NLGN4X: variants seen among roughly 807,000 people sequenced by gnomAD.
NLGN4X encodes neuroligin-4, X-linked.
A neutral mutation model predicts 40.3 loss-of-function variants in NLGN4X; 3 were observed. That is an observed-to-expected ratio of 0.07 (90% confidence interval 0.03 to 0.19). NLGN4X has a LOEUF of 0.19. Ranked by LOEUF, NLGN4X falls within the 10% of genes least tolerant of loss-of-function variation. The probability of loss-of-function intolerance (pLI) is 1.00; values close to 1 mark genes in which losing one functional copy is unlikely to be tolerated. For missense variants in NLGN4X, 382 were observed against 708.3 expected (o/e 0.54, Z 5.23); for synonymous variants, 270 against 306.8 (o/e 0.88, Z 1.25).
rs774241791 is a variant in NLGN4X at position 6,034,197 on chromosome X, A to G, written c.473-4765T>C. Among the ~76,000 whole-genome samples, 23 of 112,213 alleles carry G rather than the reference A, an allele frequency of 2.0e-4. 1 individual carries two copies. In the East Asian group the frequency reaches 5.3e-3, roughly 26 times the overall value. On this transcript the variant is annotated intron_variant, in intron 2 of 5. Coordinates refer to ENST00000381095, the MANE Select transcript of NLGN4X (RefSeq NM_181332.3). Reference sequence around the variant, plus strand: ...CTGATCCACTTTCTGTCTTTATAAGATTTGCCTTCTCTAGGCATTTCATAT... The same window carrying G: ...CTGATCCACTTTCTGTCTTTATAAGGTTTGCCTTCTCTAGGCATTTCATAT...
chrX:6,127,991 G>T (rs1244235740), intron 2 of NLGN4X, among the ~76,000 whole-genome samples: 2 of 109,061 alleles, frequency 1.8e-5, no homozygotes, highest in Non-Finnish European at 3.8e-5. Flanking sequence ...TTTTTAGAAT[G>T]GGAGTTTTGC....
chrX:6,188,478 C>T (rs1024740654), intron 1 of NLGN4X, among the ~76,000 whole-genome samples: 1 of 111,286 alleles, frequency 9.0e-6, no homozygotes, highest in Non-Finnish European at 1.9e-5. Flanking sequence ...TTTGAAATGT[C>T]CTTCAAGAAT....
intron 3 of NLGN4X, among the ~76,000 whole-genome samples, chrX:5,963,955 C>T (rs1410905561): frequency 8.9e-6 from 1 of 112,192 alleles, no homozygotes; most frequent in South Asian, 3.7e-4. Context: ...CTTTATTGTA[C>T]ATTCATTATA....
chrX:6,118,788 C>T (rs1461440752), intron 2 of NLGN4X, among the ~76,000 whole-genome samples: 1 of 111,404 alleles, frequency 9.0e-6, no homozygotes, highest in Non-Finnish European at 1.9e-5. Context: ...AGCTAAAGCC[C>T]TCTCAACGGC....
intron 2 of NLGN4X, among the ~76,000 whole-genome samples, chrX:6,064,376 T>C (rs923263810): frequency 1.8e-5 from 2 of 111,889 alleles, no homozygotes; most frequent in Non-Finnish European, 3.8e-5. Flanking sequence ...CAAAAACATG[T>C]CAAACTCTGC....
intron 2 of NLGN4X, among the ~76,000 whole-genome samples, chrX:6,134,382 C>G (rs1192265547): frequency 8.9e-6 from 1 of 111,793 alleles, no homozygotes; most frequent in African/African-American, 3.2e-5. Context: ...TGGTCAGTTA[C>G]TGATTCTTCA....
rs189427483 is a variant in NLGN4X at position 6,120,211 on chromosome X, A to G, written c.472+30784T>C. Among the ~76,000 whole-genome samples the G allele has an allele frequency of 3.6e-3, 403 of 111,725 alleles. 7 individuals carry two copies. Among genetic ancestry groups the G allele is most frequent in the Admixed American group, 0.034 (355 of 10,506 alleles). On this transcript the variant is annotated intron_variant, in intron 2 of 5. Transcript: ENST00000381095. The stretch of plus-strand genomic sequence containing the variant: ...CACATATGTATACAAAACAGAGGCA[A>G]GAATCAAGACCTATAATGAAGAGGG...
At chrX:5,902,887 T>C (rs994115505) in intron 5 of NLGN4X, among the ~76,000 whole-genome samples, 190 bp downstream of exon 5, 1 of 112,208 alleles carries the variant, frequency 8.9e-6, no homozygotes, top group African/African-American at 3.2e-5. Context: ...TGAGTTGCCA[T>C]AGATGTTGGG....
At chrX:6,192,848 C>T (rs1254008668) in intron 1 of NLGN4X, among the ~76,000 whole-genome samples, 2 of 111,993 alleles carry the variant, frequency 1.8e-5, no homozygotes, top group East Asian at 5.7e-4. Flanking sequence ...TCTTCCCAAT[C>T]TTGCATCTAA....
At chrX:5,928,968 C>T (rs1601903114) in intron 3 of NLGN4X, among the ~76,000 whole-genome samples, 2 of 109,503 alleles carry the variant, frequency 1.8e-5, no homozygotes, top group Admixed American at 2.0e-4. Context: ...TATAGACATG[C>T]ACCACCGTGC....
intron 1 of NLGN4X, among the ~76,000 whole-genome samples, chrX:6,218,337 G>A (rs960708918): frequency 9.0e-6 from 1 of 111,639 alleles, no homozygotes; most frequent in African/African-American, 3.3e-5. Flanking sequence ...CTGAGAATTC[G>A]AACATGAACC....
At chrX:6,017,204 A>T (rs2036416900) in intron 3 of NLGN4X, among the ~76,000 whole-genome samples, 1 of 112,080 alleles carries the variant, frequency 8.9e-6, no homozygotes. Flanking sequence ...ATTAAGAAAC[A>T]TGAAGATGTA....
intron 2 of NLGN4X, among the ~76,000 whole-genome samples, chrX:6,054,627 A>G (rs1278266036): frequency 9.0e-6 from 1 of 110,754 alleles, no homozygotes; most frequent in African/African-American, 3.3e-5. Context: ...AAAAAATAAT[A>G]ATAAATAAAT....
intron 3 of NLGN4X, among the ~76,000 whole-genome samples, chrX:5,917,014 T>C (rs762209474): frequency 6.2e-5 from 7 of 112,466 alleles, no homozygotes; most frequent in Non-Finnish European, 1.1e-4. Flanking sequence ...CCTACTTATG[T>C]TCTGGAGCCT....
chrX:5,961,011 C>T (rs184952542), intron 3 of NLGN4X, among the ~76,000 whole-genome samples: 1,787 of 111,026 alleles, frequency 0.016, 36 homozygotes, highest in African/African-American at 0.056. Context: ...TATTTATTTA[C>T]TTTATTTTAT....
chrX:6,176,380 C>T (rs1273216740), intron 1 of NLGN4X, among the ~76,000 whole-genome samples: 3 of 112,320 alleles, frequency 2.7e-5, no homozygotes, highest in Non-Finnish European at 5.6e-5. Flanking sequence ...ATGAAGATAA[C>T]AACTGTGTGG....
At chrX:6,221,675 C>A (rs936692282) in intron 1 of NLGN4X, among the ~76,000 whole-genome samples, 1 of 109,902 alleles carries the variant, frequency 9.1e-6, no homozygotes, top group Non-Finnish European at 1.9e-5. Flanking sequence ...CTAACCCATT[C>A]ACAGAGTTAT....
intron 2 of NLGN4X, among the ~76,000 whole-genome samples, chrX:6,053,328 C>A (rs995656533): frequency 1.3e-4 from 14 of 111,633 alleles, no homozygotes; most frequent in Non-Finnish European, 2.4e-4. Context: ...AAAGGGAACA[C>A]AAATCACTCA....
rs1260017811 is a variant in NLGN4X at position 5,917,946 on chromosome X, GCTTA to G, written c.626-8711_626-8708del. ...AAGGGGGTATGTATTTATTCAATCT[GCTTA>G]CTAAGTGTTTATTATGTGTTTAAAG... On this transcript the variant is annotated intron_variant, in intron 3 of 5. Coordinates refer to ENST00000381095, the MANE Select transcript of NLGN4X (RefSeq NM_181332.3). Among the ~76,000 whole-genome samples, 3 of 111,743 alleles carry G rather than the reference GCTTA, an allele frequency of 2.7e-5. No individual in the cohort carries two copies. The East Asian group carries it at 8.4e-4, about 31-fold the overall frequency.
Sources: gnomAD v4.1 joint callset for allele counts (sites outside exome capture counted in the v4.1 genomes callset) on GRCh38, gnomAD v4.1.1 for gene constraint, MANE v1.5 for transcripts, NCBI Gene and HGNC (gene_info 2026-07-23, HGNC 2026-07-21) for gene names.